Variants in KATNAL1 observed in about 807,000 individuals in gnomAD.
The protein encoded by KATNAL1 is katanin catalytic subunit A1 like 1.
In KATNAL1, 32 loss-of-function variants were observed where a neutral mutation model predicts 55.2. That is an observed-to-expected ratio of 0.58 (90% CI 0.44 to 0.78). The LOEUF is 0.78. Ranked by LOEUF, KATNAL1 falls within the 30% of genes least tolerant of loss-of-function variation. KATNAL1 has a pLI of 0.00. For synonymous variants in KATNAL1, 193 were observed against 193.6 expected, an observed-to-expected ratio of 1.00 and a Z score of 0.02; for missense variants, 466 against 600.9, an observed-to-expected ratio of 0.78 and a Z score of 2.35.
In KATNAL1 at chr13:30,283,724, A is replaced by G. The variant is rs1355531407; in HGVS notation, c.54T>C (p.Leu18=). ...CCATTGATGAGTCGTAATTTCCAAG[A>G]AGGGCATATTCTCTTCCTTTCTTTG... ...DNAKKGREYA[L]LGNYDSSMVY... is the part of the protein sequence containing the mutation. The change falls in exon 2 of 11, where the codon CTT becomes CTC. Residue 18 remains leucine, a synonymous_variant. Transcript: ENST00000380615. 5.0e-6 allele frequency: 8 copies of G among 1,613,796 alleles called. No individual in the cohort carries two copies. The Admixed American group carries it at 1.3e-4, about 27-fold the overall frequency.
chr13:30,297,838 G>A (rs992645241), intron 1 of KATNAL1, among the ~76,000 whole-genome samples: 1 of 151,984 alleles, frequency 6.6e-6, no homozygotes. Flanking sequence ...ACATAAAGAT[G>A]GCAACAACAG....
intron 6 of KATNAL1, among the ~76,000 whole-genome samples, chr13:30,233,594 T>C (rs1307078574): frequency 3.4e-5 from 5 of 146,520 alleles, no homozygotes; most frequent in Non-Finnish European, 6.0e-5. Context: ...ACCGGGAATA[T>C]ATACAAAAAA....
At chr13:30,252,174 C>G (rs1184375840) in intron 4 of KATNAL1, among the ~76,000 whole-genome samples, 1 of 152,160 alleles carries the variant, frequency 6.6e-6, no homozygotes, top group Admixed American at 6.5e-5. Flanking sequence ...CTCAATTTCT[C>G]TACACATAAA....
intron 2 of KATNAL1, among the ~76,000 whole-genome samples, chr13:30,282,954 CA>C (rs557715370): frequency 4.0e-4 from 32 of 79,652 alleles, no homozygotes; most frequent in Middle Eastern, 9.4e-3. Context: ...GACTCCGTCT[CA>C]AAAAAAAAAA....
chr13:30,279,035 G>A (rs1372742926), intron 3 of KATNAL1, among the ~76,000 whole-genome samples: 1 of 152,130 alleles, frequency 6.6e-6, no homozygotes, highest in Non-Finnish European at 1.5e-5. Context: ...TTCTTAAAAT[G>A]TTTTTAGAAA....
chr13:30,224,147 T>C (rs889429151), intron 9 of KATNAL1, among the ~76,000 whole-genome samples: 1 of 152,046 alleles, frequency 6.6e-6, no homozygotes, highest in Non-Finnish European at 1.5e-5. Context: ...AGAAAACAGT[T>C]CTAACTTAAT....
intron 4 of KATNAL1, among the ~76,000 whole-genome samples, chr13:30,254,909 T>A (rs1333896387): frequency 2.0e-5 from 3 of 152,220 alleles, no homozygotes; most frequent in Non-Finnish European, 4.4e-5. Context: ...TTCCACCGAA[T>A]ACTATGTTTA....
intron 3 of KATNAL1, among the ~76,000 whole-genome samples, chr13:30,257,021 T>G (rs980750328): frequency 2.0e-5 from 3 of 152,242 alleles, no homozygotes; most frequent in African/African-American, 7.2e-5. Flanking sequence ...ATTTTAAAAT[T>G]TAAAGTATTA....
At position 30,255,490 on chromosome 13, in the gene KATNAL1, G is replaced by A. The variant is rs1878695670; in HGVS notation, c.449C>T (p.Thr150Ile). 5 of 1,594,788 alleles carry A rather than the reference G, an allele frequency of 3.1e-6. No individual in the cohort carries two copies. Among genetic ancestry groups the A allele is most frequent in the Non-Finnish European group, 3.4e-6 (4 of 1,170,550 alleles). The change falls in exon 4 of 11, where the codon ACA (threonine) becomes ATA (isoleucine). Residue 150 changes from threonine (T) to isoleucine (I), a missense_variant. By Grantham distance (89) the Thr-to-Ile change is moderately conservative. Around this residue, in one of 3 missense-constraint regions of KATNAL1, gnomAD observed 248 missense variants for 275.5 expected, o/e 0.90. Transcript: ENST00000380615. ...HPISKSEKPS[T>I]SRDKDYRARG... ...TGCTCTATAGTCCTTGTCCCTACTTGTAGAAGGCTTTTCACTCTTTGATAT... is the reference window on the plus strand; with the variant it reads ...TGCTCTATAGTCCTTGTCCCTACTTATAGAAGGCTTTTCACTCTTTGATAT...
intron 2 of KATNAL1, among the ~76,000 whole-genome samples, chr13:30,280,458 C>T (rs1044337518): frequency 2.6e-5 from 4 of 152,040 alleles, no homozygotes; most frequent in African/African-American, 9.7e-5. Flanking sequence ...TCTTTCATAA[C>T]GGAATTCCAT....
intron 4 of KATNAL1, among the ~76,000 whole-genome samples, chr13:30,248,010 A>G (rs1488564581): frequency 6.6e-6 from 1 of 152,210 alleles, no homozygotes; most frequent in Non-Finnish European, 1.5e-5. Flanking sequence ...ATTAAATAAG[A>G]GCTCATGCAC....
At chr13:30,221,616 T>C (rs890261324) in intron 9 of KATNAL1, among the ~76,000 whole-genome samples, 9 of 152,248 alleles carry the variant, frequency 5.9e-5, no homozygotes, top group Non-Finnish European at 1.2e-4. Context: ...CTTACAGACT[T>C]TACATAACTA....
chr13:30,306,200 C>A (rs1490403812), intron 1 of KATNAL1, among the ~76,000 whole-genome samples: 1 of 152,164 alleles, frequency 6.6e-6, no homozygotes, highest in East Asian at 1.9e-4. Flanking sequence ...GTGTCAGCTT[C>A]CTTTACCAGC....
At chr13:30,291,598 A>G (rs1882136642) in intron 1 of KATNAL1, among the ~76,000 whole-genome samples, 1 of 152,246 alleles carries the variant, frequency 6.6e-6, no homozygotes, top group South Asian at 2.1e-4. Flanking sequence ...GAAAGAACAC[A>G]AAATAGACAA....
At chr13:30,250,899 G>A (rs760672612) in intron 4 of KATNAL1, among the ~76,000 whole-genome samples, 6 of 152,224 alleles carry the variant, frequency 3.9e-5, no homozygotes, top group African/African-American at 1.4e-4. Flanking sequence ...AGCACTTCGG[G>A]AGGCCGAGGC....
chr13:30,208,812 T>C (rs1339421374), intron 10 of KATNAL1, 74 bp from the exon 11 acceptor site: 2 of 1,028,228 alleles, frequency 1.9e-6, no homozygotes, highest in South Asian at 1.9e-5. Context: ...AACAAAGTTA[T>C]GAAAAAAAAA....
chr13:30,266,307 T>G (rs1181399546), intron 3 of KATNAL1, among the ~76,000 whole-genome samples: 1 of 152,136 alleles, frequency 6.6e-6, no homozygotes, highest in Non-Finnish European at 1.5e-5. Flanking sequence ...TGGCCCGCTT[T>G]TAAGAGATGT....
chr13:30,240,656 A>AG, intron 5 of KATNAL1, 91 bp from the exon 6 acceptor site: 1 of 862,418 alleles, frequency 1.2e-6, no homozygotes, highest in Non-Finnish European at 1.8e-6. Flanking sequence ...TTTACTTATG[A>AG]AATTATTCTC....
intron 4 of KATNAL1, among the ~76,000 whole-genome samples, chr13:30,251,716 T>G (rs1435469806): frequency 5.3e-5 from 8 of 152,180 alleles, no homozygotes; most frequent in Admixed American, 1.3e-4. Flanking sequence ...AGAAAAAATA[T>G]AGCTTAAAAG....
Sources: allele counts gnomAD v4.1 joint callset (sites outside exome capture counted in the v4.1 genomes callset), GRCh38; gene constraint gnomAD v4.1.1; regional missense constraint gnomAD v4.1.1; transcripts MANE v1.5; gene names NCBI Gene and HGNC (gene_info 2026-07-23, HGNC 2026-07-21).